Variants in RUNDC3B observed in about 807,000 individuals in gnomAD.
The protein encoded by RUNDC3B is RUN domain containing 3B.
In RUNDC3B, 33 loss-of-function variants were observed where a neutral mutation model predicts 58.4. The ratio of observed to expected loss-of-function variants is 0.56; its 90% confidence interval spans 0.43 to 0.75. The LOEUF is 0.75. Among genes scored for constraint, RUNDC3B ranks in the 30% least tolerant of loss-of-function variants. RUNDC3B has a pLI of 0.00. For missense variants in RUNDC3B, 501 were observed against 535.7 expected, an observed-to-expected ratio of 0.94 and a Z score of 0.64; for synonymous variants, 193 against 195.2, an observed-to-expected ratio of 0.99 and a Z score of 0.10.
intron 6 of RUNDC3B, among the ~76,000 whole-genome samples, chr7:87,762,697 T>C (rs1833760430): frequency 6.6e-6 from 1 of 151,500 alleles, no homozygotes; most frequent in South Asian, 2.1e-4. Context: ...TTCAGAGACA[T>C]TATGTAAGAA....
At chr7:87,649,655 GTTTTGC>G (rs1417139215) in intron 1 of RUNDC3B, among the ~76,000 whole-genome samples, 1 of 152,006 alleles carries the variant, frequency 6.6e-6, no homozygotes, top group East Asian at 1.9e-4. Flanking sequence ...AGATTTGCAG[GTTTTGC>G]TATTTATAAG....
intron 8 of RUNDC3B, among the ~76,000 whole-genome samples, chr7:87,786,919 A>T (rs574771440): frequency 6.6e-6 from 1 of 152,282 alleles, no homozygotes; most frequent in South Asian, 2.1e-4. Flanking sequence ...TTAATTTAAT[A>T]CCTTTAATTT....
At chr7:87,747,905 C>T (rs1260061859) in intron 6 of RUNDC3B, among the ~76,000 whole-genome samples, 2 of 152,180 alleles carry the variant, frequency 1.3e-5, no homozygotes, top group African/African-American at 4.8e-5. Context: ...ACAGGCTACC[C>T]GCCTCCCAGG....
chr7:87,795,466 A>C (rs1434792066), intron 8 of RUNDC3B, among the ~76,000 whole-genome samples: 1 of 152,250 alleles, frequency 6.6e-6, no homozygotes, highest in Non-Finnish European at 1.5e-5. Flanking sequence ...TCTATCCAAA[A>C]GATAGGCAAT....
intron 2 of RUNDC3B, among the ~76,000 whole-genome samples, chr7:87,689,180 T>A (rs528574052): frequency 6.6e-6 from 1 of 152,242 alleles, no homozygotes; most frequent in Non-Finnish European, 1.5e-5. Context: ...ATCTGAGATT[T>A]TTTTGAATGT....
At chr7:87,665,958 G>T (rs1291900537) in intron 2 of RUNDC3B, among the ~76,000 whole-genome samples, 1 of 151,968 alleles carries the variant, frequency 6.6e-6, no homozygotes, top group Non-Finnish European at 1.5e-5. Flanking sequence ...GTGTACATGT[G>T]TCTTTATGGT....
chr7:87,685,085 A>G (rs948787684), intron 2 of RUNDC3B, among the ~76,000 whole-genome samples: 2 of 152,332 alleles, frequency 1.3e-5, no homozygotes, highest in South Asian at 2.1e-4. Context: ...AAAAAAATTG[A>G]TAAAGTGGAC....
chr7:87,652,937 A>G (rs989741807), intron 2 of RUNDC3B, among the ~76,000 whole-genome samples: 1 of 151,956 alleles, frequency 6.6e-6, no homozygotes, highest in East Asian at 1.9e-4. Flanking sequence ...TTTTGAAGTA[A>G]AAGGACATTT....
chr7:87,791,799 A>G (rs1584220273), intron 8 of RUNDC3B, among the ~76,000 whole-genome samples: 2 of 152,250 alleles, frequency 1.3e-5, no homozygotes, highest in South Asian at 4.1e-4. Context: ...GGAATGATGG[A>G]AAGAAGAAAG....
At chr7:87,630,130 T>G (rs1240219559) in intron 1 of RUNDC3B, among the ~76,000 whole-genome samples, 2 of 152,198 alleles carry the variant, frequency 1.3e-5, no homozygotes. Context: ...CCTAGTGATA[T>G]TCCTCTTAAG....
At chr7:87,821,044 A>G (rs1024002377) in intron 10 of RUNDC3B, among the ~76,000 whole-genome samples, 6 of 149,320 alleles carry the variant, frequency 4.0e-5, no homozygotes, top group South Asian at 4.3e-4. Flanking sequence ...GGCCAGGGCA[A>G]TTAGGCAGGA....
intron 1 of RUNDC3B, among the ~76,000 whole-genome samples, chr7:87,630,648 A>T (rs757201535): frequency 1.7e-4 from 26 of 151,304 alleles, no homozygotes; most frequent in Non-Finnish European, 3.4e-4. Flanking sequence ...CTTTTGTTAA[A>T]CTTCACAAGG....
intron 2 of RUNDC3B, among the ~76,000 whole-genome samples, chr7:87,670,172 TA>T (rs1825683923): frequency 1.3e-5 from 2 of 152,244 alleles, no homozygotes; most frequent in Admixed American, 6.5e-5. Flanking sequence ...TATTCCTTTT[TA>T]TTCCTCTTTC....
chr7:87,804,698 C>A (rs547766562), intron 8 of RUNDC3B, among the ~76,000 whole-genome samples: 2 of 152,170 alleles, frequency 1.3e-5, no homozygotes, highest in South Asian at 4.1e-4. Flanking sequence ...TAAATAGAAT[C>A]TATCACATAT....
intron 4 of RUNDC3B, among the ~76,000 whole-genome samples, chr7:87,712,641 A>G (rs1199051935): frequency 6.6e-6 from 1 of 152,094 alleles, no homozygotes; most frequent in Non-Finnish European, 1.5e-5. Flanking sequence ...TAGAACAAGT[A>G]GTTTAAATAT....
chr7:87,700,013 G>GT (rs965166902), intron 2 of RUNDC3B, among the ~76,000 whole-genome samples: 19 of 150,964 alleles, frequency 1.3e-4, no homozygotes, highest in African/African-American at 4.6e-4. Context: ...TTTTTTTTCT[G>GT]TTTTTTTAAA....
In RUNDC3B at chr7:87,700,480, G is replaced by T. The variant is rs1418916926; in HGVS notation, c.298G>T (p.Ala100Ser). The part of the protein sequence containing the change: ...PRSFWDYIRV[A>S]CRKVSQNCIC... ...TAGCTTCTGGGACTATATCAGAGTG[G>T]CTTGCCGGAAAGTTTCACAGAATTG... Residue 100 changes from alanine to serine, a missense_variant, in exon 3 of 11, where the codon GCT becomes TCT. Transcript: ENST00000394654. The T allele has an allele frequency of 6.2e-7, 1 of 1,613,336 alleles. No individual in the cohort carries two copies. The highest frequency in any genetic ancestry group is 1.1e-5 in the South Asian group (1 of 90,974).
intron 6 of RUNDC3B, among the ~76,000 whole-genome samples, chr7:87,749,116 G>A (rs1224873009): frequency 6.6e-6 from 1 of 152,176 alleles, no homozygotes; most frequent in Non-Finnish European, 1.5e-5. Flanking sequence ...ATGTCATCTG[G>A]AGATAGAGTT....
chr7:87,670,211 A>G (rs1825687129), intron 2 of RUNDC3B, among the ~76,000 whole-genome samples: 1 of 152,116 alleles, frequency 6.6e-6, no homozygotes, highest in Non-Finnish European at 1.5e-5. Flanking sequence ...TTCTTATTTC[A>G]GAGAACCAGT....
Sources: gnomAD v4.1 joint callset for allele counts (sites outside exome capture counted in the v4.1 genomes callset) on GRCh38, gnomAD v4.1.1 for gene constraint, MANE v1.5 for transcripts, NCBI Gene and HGNC (gene_info 2026-07-23, HGNC 2026-07-21) for gene names.